ATXN1: variants seen among roughly 807,000 people sequenced by gnomAD.
ATXN1 encodes the protein ataxin 1.
ATXN1 carries 8 observed loss-of-function variants against 56.4 expected under a neutral mutation model. The observed-to-expected ratio is 0.14, with a 90% CI of 0.08 to 0.26. The LOEUF is 0.26. Among genes scored for constraint, ATXN1 ranks in the 10% least tolerant of loss-of-function variants. ATXN1 has a pLI of 1.00. For synonymous variants in ATXN1, 514 were observed against 494.6 expected, an observed-to-expected ratio of 1.04 and a Z score of -0.52; for missense variants, 987 against 1,106.5, an observed-to-expected ratio of 0.89 and a Z score of 1.53.
intron 3 of ATXN1, among the ~76,000 whole-genome samples, chr6:16,646,064 A>T (rs954537190): frequency 6.6e-6 from 1 of 152,038 alleles, no homozygotes; most frequent in Non-Finnish European, 1.5e-5. Flanking sequence ...ACAAAAAAAA[A>T]ATTAAAAATG....
chr6:16,443,898 C>T (rs1229925819), intron 6 of ATXN1, among the ~76,000 whole-genome samples: 3 of 152,108 alleles, frequency 2.0e-5, no homozygotes, highest in Non-Finnish European at 2.9e-5. Flanking sequence ...GGGCCGATCA[C>T]AAGGTCAGGA....
intron 2 of ATXN1, among the ~76,000 whole-genome samples, chr6:16,696,995 T>C (rs960536874): frequency 1.3e-5 from 2 of 152,196 alleles, no homozygotes; most frequent in African/African-American, 4.8e-5. Context: ...TAAGGAAGCG[T>C]TGGCGAGGCT....
chr6:16,679,506 G>T (rs1314283801), intron 2 of ATXN1, among the ~76,000 whole-genome samples: 4 of 152,166 alleles, frequency 2.6e-5, no homozygotes, highest in Non-Finnish European at 4.4e-5. Flanking sequence ...TTTTTATGTG[G>T]GCGGTTAAGT....
chr6:16,395,270 C>CAAAAAAAAAAAAAAAAAAAAAAAAAAAA (rs748314030), intron 6 of ATXN1, among the ~76,000 whole-genome samples: 11 of 48,454 alleles, frequency 2.3e-4, no homozygotes, highest in African/African-American at 4.5e-4. Context: ...AACTCCGTCT[C>CAAAAAAAAAAAAAAAAAAAAAAAAAAAA]AAAAAAAAAA....
chr6:16,314,777 AT>A (rs1760472896), intron 7 of ATXN1, among the ~76,000 whole-genome samples: 1 of 151,932 alleles, frequency 6.6e-6, no homozygotes, highest in East Asian at 1.9e-4. Flanking sequence ...CACCTGGCTA[AT>A]TTTTGTATGT....
In ATXN1 at chr6:16,346,750, G is replaced by A. The variant is rs531314233; in HGVS notation, c.-160-18280C>T. Among the ~76,000 whole-genome samples the A allele has an allele frequency of 3.3e-5, 5 of 151,978 alleles. No individual in the cohort carries two copies. The South Asian group carries it at 8.3e-4, about 25-fold the overall frequency. On this transcript the variant is annotated intron_variant, in intron 6 of 7. Transcript: ENST00000436367. ...CCCTCACAGCCCTCACTTGCTCTCT[G>A]CGCCTCCTCTGCCTGGGCTCCCACT... is the stretch of plus-strand genomic sequence containing the variant.
chr6:16,380,614 T>C (rs1245259113), intron 6 of ATXN1, among the ~76,000 whole-genome samples: 3 of 152,160 alleles, frequency 2.0e-5, no homozygotes, highest in African/African-American at 7.2e-5. Context: ...GTCTGGCTCA[T>C]TGTCTTTTCT....
chr6:16,426,133 GA>G (rs1364235725), intron 6 of ATXN1, among the ~76,000 whole-genome samples: 7 of 152,186 alleles, frequency 4.6e-5, no homozygotes, highest in East Asian at 3.9e-4. Flanking sequence ...TCAGTTGGGG[GA>G]AAAAAATCTG....
At chr6:16,493,601 TTTATGTCTGTCTTC>T (rs1464131525) in intron 5 of ATXN1, among the ~76,000 whole-genome samples, 1 of 152,084 alleles carries the variant, frequency 6.6e-6, no homozygotes, top group East Asian at 1.9e-4. Context: ...AAAGGTAGGG[TTTATGTCTGTCTTC>T]TTTTTGTAAG....
chr6:16,566,636 G>A (rs531339665), intron 4 of ATXN1, among the ~76,000 whole-genome samples: 7 of 152,060 alleles, frequency 4.6e-5, no homozygotes, highest in Non-Finnish European at 7.4e-5. Context: ...GGCGGATCAC[G>A]AGGTCAGGAG....
intron 5 of ATXN1, among the ~76,000 whole-genome samples, chr6:16,513,512 T>C (rs141443979): frequency 1.8e-4 from 27 of 152,332 alleles, no homozygotes; most frequent in African/African-American, 6.3e-4. Context: ...TCTGTTTAAA[T>C]ATGCACCTCC....
chr6:16,704,405 C>T (rs141714838), intron 2 of ATXN1, among the ~76,000 whole-genome samples: 20 of 152,234 alleles, frequency 1.3e-4, no homozygotes, highest in East Asian at 1.2e-3. Context: ...TCCTGCGAGG[C>T]GCTCCCTCTA....
At chr6:16,643,813 T>C (rs2113823488) in intron 3 of ATXN1, among the ~76,000 whole-genome samples, 1 of 152,108 alleles carries the variant, frequency 6.6e-6, no homozygotes, top group South Asian at 2.1e-4. Context: ...GTTATTCTCT[T>C]CAGTTATTAA....
At chr6:16,641,241 G>A (rs1209067433) in intron 3 of ATXN1, among the ~76,000 whole-genome samples, 3 of 152,208 alleles carry the variant, frequency 2.0e-5, no homozygotes, top group Non-Finnish European at 4.4e-5. Flanking sequence ...TGATGAAGGT[G>A]ACTACAGATT....
intron 3 of ATXN1, chr6:16,616,196 T>G (rs1226679268): frequency 2.0e-5 from 3 of 152,170 alleles, no homozygotes; most frequent in Non-Finnish European, 4.4e-5. Context: ...TATTGTCTAC[T>G]TAGAATATCT....
chr6:16,441,287 T>A (rs1223819544), intron 6 of ATXN1, among the ~76,000 whole-genome samples: 1 of 151,976 alleles, frequency 6.6e-6, no homozygotes, highest in African/African-American at 2.4e-5. Flanking sequence ...CAGATCCAAG[T>A]GAAGGGAGGC....
intron 2 of ATXN1, among the ~76,000 whole-genome samples, chr6:16,724,837 A>AT (rs1759815983): frequency 6.6e-6 from 1 of 152,066 alleles, no homozygotes; most frequent in Non-Finnish European, 1.5e-5. Context: ...ATAACTTTAG[A>AT]TTTTTCCTGT....
chr6:16,423,790 C>T (rs564280986), intron 6 of ATXN1, among the ~76,000 whole-genome samples: 1 of 152,348 alleles, frequency 6.6e-6, no homozygotes, highest in Non-Finnish European at 1.5e-5. Context: ...TTGGAGGCTG[C>T]TGGTATCATG....
At chr6:16,445,510 T>A (rs1325405710) in intron 6 of ATXN1, among the ~76,000 whole-genome samples, 2 of 149,384 alleles carry the variant, frequency 1.3e-5, no homozygotes, top group Admixed American at 6.7e-5. Context: ...TTGATATTTC[T>A]TTTTTTTTTA....
Sources: allele counts gnomAD v4.1 joint callset (sites outside exome capture counted in the v4.1 genomes callset), GRCh38; gene constraint gnomAD v4.1.1; transcripts MANE v1.5; gene names NCBI Gene and HGNC (gene_info 2026-07-23, HGNC 2026-07-21).